Variants in NEBL observed in about 807,000 individuals in gnomAD.
The protein encoded by NEBL is LIM and SH3 protein 2.
NEBL carries 122 observed loss-of-function variants against 140.2 expected under a neutral mutation model. The observed-to-expected ratio is 0.87, with a 90% CI of 0.75 to 1.01. NEBL has a LOEUF of 1.01. NEBL is among the 50% of genes least tolerant of loss of function. NEBL has a pLI of 0.00. For synonymous variants in NEBL, 436 were observed against 398.9 expected (o/e 1.09, Z -1.11); for missense variants, 1,365 against 1,231.3 (o/e 1.11, Z -1.62).
intron 2 of NEBL, among the ~76,000 whole-genome samples, chr10:21,108,504 T>C (rs971002567): frequency 6.6e-6 from 1 of 152,218 alleles, no homozygotes; most frequent in African/African-American, 2.4e-5. Context: ...AGTTCCAATT[T>C]GATTGCACTG....
chr10:21,146,703 G>A (rs1488194900), intron 2 of NEBL: 2 of 522,592 alleles, frequency 3.8e-6, no homozygotes, highest in African/African-American at 3.8e-5. Flanking sequence ...GAAAAGAATT[G>A]CAATGCCCTG....
At chr10:21,046,623 C>T (rs1032624095) in intron 2 of NEBL, among the ~76,000 whole-genome samples, 2 of 151,974 alleles carry the variant, frequency 1.3e-5, no homozygotes, top group Non-Finnish European at 2.9e-5. Flanking sequence ...GTTTTTGAGA[C>T]GGAGTGTGAC....
intron 2 of NEBL, among the ~76,000 whole-genome samples, chr10:21,090,314 T>A (rs986981301): frequency 6.6e-6 from 1 of 152,224 alleles, no homozygotes; most frequent in East Asian, 1.9e-4. Flanking sequence ...ATCCATGAAC[T>A]CAACCAATCG....
intron 2 of NEBL, among the ~76,000 whole-genome samples, chr10:21,054,327 A>C (rs1327869029): frequency 1.3e-5 from 2 of 152,102 alleles, no homozygotes; most frequent in Non-Finnish European, 2.9e-5. Context: ...AGCCAGGCCA[A>C]ATCTGTTTAA....
chr10:21,015,622 C>T (rs1052108484), intron 3 of NEBL, among the ~76,000 whole-genome samples: 1 of 152,182 alleles, frequency 6.6e-6, no homozygotes, highest in East Asian at 1.9e-4. Flanking sequence ...CAGGATCCTC[C>T]TGTCTCAGCC....
At chr10:21,093,347 TA>T (rs1837015144) in intron 2 of NEBL, among the ~76,000 whole-genome samples, 1 of 151,988 alleles carries the variant, frequency 6.6e-6, no homozygotes, top group Non-Finnish European at 1.5e-5. Flanking sequence ...CAAAATTTTA[TA>T]GGTGAGAAAA....
At position 21,064,334 on chromosome 10, in the gene NEBL, G is replaced by T. The variant is rs563466312; in HGVS notation, c.165-44133C>A. ...TAATGTTTTAGGATTTCACTGCAAA[G>T]CCCAGATAAGCTTTGATTTTTATCT... On this transcript the variant is annotated intron_variant, in intron 2 of 6. Coordinates refer to the NEBL transcript ENST00000417816. Among the ~76,000 whole-genome samples, 5 of 152,174 alleles carry T rather than the reference G, an allele frequency of 3.3e-5. No homozygotes were observed. The South Asian group carries it at 1.0e-3, about 32-fold the overall frequency.
intron 2 of NEBL, chr10:21,110,733 C>A: frequency 2.0e-6 from 1 of 502,760 alleles, no homozygotes; most frequent in Non-Finnish European, 4.0e-6. Context: ...CCAGAACCAA[C>A]AAAGATTATC....
chr10:20,918,661 A>G (rs1474691539), intron 4 of NEBL, among the ~76,000 whole-genome samples: 2 of 151,822 alleles, frequency 1.3e-5, no homozygotes, highest in African/African-American at 4.8e-5. Context: ...ATCCTGGCGA[A>G]GGCGGTGAAA....
intron 4 of NEBL, 36 bp downstream of exon 4, chr10:20,888,061 T>A: frequency 1.4e-6 from 2 of 1,384,776 alleles, no homozygotes; most frequent in Non-Finnish European, 2.1e-6. Context: ...ATATGTTTTA[T>A]CTACAAAATC....
At chr10:21,112,315 C>T (rs959597724) in intron 2 of NEBL, among the ~76,000 whole-genome samples, 1 of 152,084 alleles carries the variant, frequency 6.6e-6, no homozygotes, top group African/African-American at 2.4e-5. Flanking sequence ...GCACTATTTA[C>T]AATAGCAAAG....
At chr10:21,233,661 G>C (rs1383733690) in intron 3 of NEBL, among the ~76,000 whole-genome samples, 4 of 140,406 alleles carry the variant, frequency 2.8e-5, no homozygotes, top group African/African-American at 7.9e-5. Flanking sequence ...TACATATATA[G>C]ATATATATCT....
intron 26 of NEBL, among the ~76,000 whole-genome samples, chr10:20,800,196 T>G (rs1836980945): frequency 6.6e-6 from 1 of 151,654 alleles, no homozygotes. Context: ...CTTTTTCAGA[T>G]TCCACATATA....
chr10:20,922,363 G>A (rs777101998), intron 4 of NEBL, among the ~76,000 whole-genome samples: 8 of 152,162 alleles, frequency 5.3e-5, no homozygotes, highest in Non-Finnish European at 7.3e-5. Flanking sequence ...GCATGAGAAC[G>A]ATATGTTTTA....
chr10:20,956,769 T>C (rs1835825847), intron 4 of NEBL, among the ~76,000 whole-genome samples: 1 of 152,138 alleles, frequency 6.6e-6, no homozygotes, highest in Non-Finnish European at 1.5e-5. Context: ...CTTTCTCATA[T>C]TTAAAAAAAA....
chr10:20,859,156 C>T (rs1460015629), intron 8 of NEBL, among the ~76,000 whole-genome samples: 2 of 152,152 alleles, frequency 1.3e-5, no homozygotes, highest in East Asian at 1.9e-4. Context: ...TGTTTTTATA[C>T]TCTAATTCTA....
intron 4 of NEBL, among the ~76,000 whole-genome samples, chr10:20,886,998 G>T (rs1846579868): frequency 6.6e-6 from 1 of 152,158 alleles, no homozygotes; most frequent in African/African-American, 2.4e-5. Context: ...CGAGACAGAT[G>T]AGGTCCCTGC....
chr10:20,853,914 G>T (rs371290087), intron 9 of NEBL, among the ~76,000 whole-genome samples: 2 of 152,062 alleles, frequency 1.3e-5, no homozygotes, highest in Non-Finnish European at 2.9e-5. Flanking sequence ...AGAAAGAAAC[G>T]ACAAATGCTT....
chr10:21,150,430 T>G (rs1013461076), intron 2 of NEBL, among the ~76,000 whole-genome samples: 1 of 152,224 alleles, frequency 6.6e-6, no homozygotes, highest in African/African-American at 2.4e-5. Context: ...GCTGAAATGA[T>G]GGCTGGGAGT....
Sources: gnomAD v4.1 joint callset for allele counts (sites outside exome capture counted in the v4.1 genomes callset) on GRCh38, gnomAD v4.1.1 for gene constraint, MANE v1.5 for transcripts, NCBI Gene and HGNC (gene_info 2026-07-23, HGNC 2026-07-21) for gene names.